TXK: variants seen among roughly 807,000 people sequenced by gnomAD.
TXK encodes TXK tyrosine kinase.
A neutral mutation model predicts 81.0 loss-of-function variants in TXK; 60 were observed. That is an observed-to-expected ratio of 0.74 (90% confidence interval 0.60 to 0.92). TXK has a LOEUF of 0.92. TXK is among the 40% of genes least tolerant of loss of function. The pLI is 0.00. For missense variants in TXK, 581 were observed against 638.3 expected (o/e 0.91, Z 0.97); for synonymous variants, 203 against 210.7 (o/e 0.96, Z 0.32).
chr4:48,098,129 A>G (rs531183989), intron 6 of TXK, among the ~76,000 whole-genome samples: 2 of 152,272 alleles, frequency 1.3e-5, no homozygotes, highest in East Asian at 3.9e-4. Context: ...TAGAGATGAA[A>G]CTATGCCACA....
intron 1 of TXK, among the ~76,000 whole-genome samples, chr4:48,120,126 T>A (rs28602482): frequency 6.7e-6 from 1 of 148,478 alleles, no homozygotes. Context: ...CACATACATA[T>A]GTATATACAT....
intron 6 of TXK, among the ~76,000 whole-genome samples, chr4:48,100,050 T>C (rs1324975317): frequency 6.6e-6 from 1 of 150,766 alleles, no homozygotes; most frequent in Non-Finnish European, 1.5e-5. Flanking sequence ...CGGGCGCCTG[T>C]AGTCCCAGCT....
At chr4:48,105,096 T>C (rs908524909) in intron 5 of TXK, 141 bp from the exon 6 acceptor site, 3 of 559,844 alleles carry the variant, frequency 5.4e-6, no homozygotes, top group Non-Finnish European at 3.1e-6. Context: ...AGATAAACAA[T>C]AATATACTAT....
At chr4:48,081,663 C>T (rs1717304923) in intron 10 of TXK, among the ~76,000 whole-genome samples, 1 of 152,202 alleles carries the variant, frequency 6.6e-6, no homozygotes, top group East Asian at 1.9e-4. Flanking sequence ...TTTTAAATAT[C>T]ATCATATCAT....
In TXK at chr4:48,094,732, T is replaced by C. The variant is rs564966275; in HGVS notation, c.581+411A>G. 9.8e-5 allele frequency among the ~76,000 whole-genome samples: 15 copies of C among 152,296 alleles called. No individual in the cohort carries two copies. The South Asian group carries it at 3.1e-3, about 32-fold the overall frequency. ...CCCATTCTCTTTAACCTAGCATTGCTCCTGGGATGTTACCTCTCAGGCACT... is the reference window on the plus strand; with the variant it reads ...CCCATTCTCTTTAACCTAGCATTGCCCCTGGGATGTTACCTCTCAGGCACT... On this transcript the variant is annotated intron_variant, in intron 7 of 14. Transcript: ENST00000264316.
chr4:48,073,091 A>ATT (rs33919573), intron 13 of TXK, among the ~76,000 whole-genome samples: 43,453 of 136,934 alleles, frequency 0.32, 8,221 homozygotes, highest in Admixed American at 0.4. Context: ...CACCTGGCTA[A>ATT]TTTTTTTTTT....
chr4:48,133,961 G>T (rs556519550), intron 1 of TXK, among the ~76,000 whole-genome samples, 194 bp downstream of exon 1: 3 of 152,210 alleles, frequency 2.0e-5, no homozygotes, highest in Non-Finnish European at 4.4e-5. Context: ...TCTCAATGCT[G>T]AACCTTTATT....
At chr4:48,099,013 T>G (rs1560352161) in intron 6 of TXK, among the ~76,000 whole-genome samples, 2 of 152,128 alleles carry the variant, frequency 1.3e-5, no homozygotes, top group African/African-American at 4.8e-5. Flanking sequence ...CATACTGTTC[T>G]GGAGACACTA....
chr4:48,087,585 C>T (rs1577657998), intron 9 of TXK, among the ~76,000 whole-genome samples: 1 of 151,942 alleles, frequency 6.6e-6, no homozygotes, highest in Admixed American at 6.6e-5. Flanking sequence ...ACAGGCACGC[C>T]ATCACGCCTT....
chr4:48,070,650 C>T (rs1250191161), intron 14 of TXK, among the ~76,000 whole-genome samples: 2 of 152,060 alleles, frequency 1.3e-5, no homozygotes, highest in Non-Finnish European at 2.9e-5. Context: ...GCAATCTCAG[C>T]TCACTGTAGC....
At chr4:48,106,382 A>C (rs1331948992) in intron 5 of TXK, among the ~76,000 whole-genome samples, 2 of 134,484 alleles carry the variant, frequency 1.5e-5, no homozygotes, top group Non-Finnish European at 3.0e-5. Context: ...TATAAAAGTT[A>C]GAAGGGTTTT....
chr4:48,067,999 T>G (rs1018076336), intron 14 of TXK, among the ~76,000 whole-genome samples: 1 of 152,196 alleles, frequency 6.6e-6, no homozygotes, highest in Non-Finnish European at 1.5e-5. Context: ...CACAGCATGA[T>G]TGGCAGTTGA....
At chr4:48,125,990 C>T (rs2109485434) in intron 1 of TXK, among the ~76,000 whole-genome samples, 1 of 152,384 alleles carries the variant, frequency 6.6e-6, no homozygotes, top group South Asian at 2.1e-4. Context: ...AAATGTTAAT[C>T]TCATCCAAAA....
In TXK at chr4:48,127,773, G is replaced by C. The variant is rs562945199; in HGVS notation, c.16+6382C>G. On this transcript the variant is annotated intron_variant, in intron 1 of 14. Coordinates refer to ENST00000264316, the MANE Select transcript of TXK (RefSeq NM_003328.3). ...TCAGATGTAATCTCTGTGACCTTTA[G>C]AAACCGGCACATCTGTCATGGGATA... is the stretch of plus-strand genomic sequence containing the variant. Among the ~76,000 whole-genome samples the C allele has an allele frequency of 1.1e-3, 165 of 152,292 alleles. 1 individual carries two copies. The highest frequency in any genetic ancestry group is 1.6e-3 in the Non-Finnish European group (109 of 68,018).
intron 6 of TXK, among the ~76,000 whole-genome samples, chr4:48,103,552 G>C (rs1204300843): frequency 6.6e-6 from 1 of 152,174 alleles, no homozygotes; most frequent in Non-Finnish European, 1.5e-5. Flanking sequence ...TTACAGAACT[G>C]ATTATTTCTC....
chr4:48,075,078 G>T (rs1273891852), intron 12 of TXK, among the ~76,000 whole-genome samples: 1 of 151,938 alleles, frequency 6.6e-6, no homozygotes, highest in Non-Finnish European at 1.5e-5. Context: ...CCCCCAAAAA[G>T]AGGAATGGGG....
At chr4:48,094,244 A>ATCTT in intron 7 of TXK, 40 bp from the exon 8 acceptor site, 1 of 1,604,962 alleles carries the variant, frequency 6.2e-7, no homozygotes, top group Admixed American at 1.7e-5. Context: ...AATGTGAAAG[A>ATCTT]TCAATTTGGA....
intron 1 of TXK, among the ~76,000 whole-genome samples, chr4:48,128,541 T>C (rs1719154147): frequency 6.8e-6 from 1 of 147,610 alleles, no homozygotes; most frequent in African/African-American, 2.5e-5. Flanking sequence ...TACTCTGCCA[T>C]AAATGCCCAC....
intron 4 of TXK, 56 bp downstream of exon 4, chr4:48,112,248 AAGT>A: frequency 6.7e-7 from 1 of 1,496,874 alleles, no homozygotes; most frequent in Non-Finnish European, 9.3e-7. Context: ...CTGAGTCACT[AAGT>A]AGTCTTCTTT....
Sources: gnomAD v4.1 joint callset for allele counts (sites outside exome capture counted in the v4.1 genomes callset) on GRCh38, gnomAD v4.1.1 for gene constraint, MANE v1.5 for transcripts, NCBI Gene and HGNC (gene_info 2026-07-23, HGNC 2026-07-21) for gene names.